The following NLGN1 variants were observed in gnomAD, a reference collection of about 807,000 sequenced individuals.
NLGN1 encodes neuroligin-1.
In NLGN1, 12 loss-of-function variants were observed where a neutral mutation model predicts 65.5. The observed-to-expected ratio is 0.18, with a 90% confidence interval of 0.12 to 0.30. The LOEUF (loss-of-function observed/expected upper bound fraction) is 0.30. Ranked by LOEUF, NLGN1 falls within the 10% of genes least tolerant of loss-of-function variation. NLGN1 has a pLI of 1.00. For synonymous variants in NLGN1, 350 were observed against 359.5 expected (o/e 0.97, Z 0.30); for missense variants, 750 against 1,007.1 (o/e 0.74, Z 3.46).
In NLGN1 at chr3:173,523,204, T is replaced by C. The variant is rs921291419; in HGVS notation, c.-320-81075T>C. ...AAAATATTTTCCCTCACTCTGCACA[T>C]TGTCTGTTCACTGTGTCGAATATTT... On this transcript the variant is annotated intron_variant, in intron 2 of 6. Coordinates refer to ENST00000457714, the Ensembl canonical transcript of NLGN1. 4.0e-5 allele frequency among the ~76,000 whole-genome samples: 6 copies of C among 151,740 alleles called. 1 individual carries two copies. The highest frequency in any genetic ancestry group is 1.3e-4 in the Admixed American group (2 of 15,214).
chr3:173,687,478 G>C (rs1764849103), intron 3 of NLGN1, among the ~76,000 whole-genome samples: 1 of 152,162 alleles, frequency 6.6e-6, no homozygotes. Context: ...GACTCAAATA[G>C]TAGGAGCAGC....
At chr3:173,815,698 A>G (rs1019324297) in intron 4 of NLGN1, among the ~76,000 whole-genome samples, 13 of 152,066 alleles carry the variant, frequency 8.5e-5, no homozygotes, top group African/African-American at 2.9e-4. Context: ...TTCTCTCTCT[A>G]TGATACGCCT....
chr3:173,685,533 C>A (rs1178929358), intron 3 of NLGN1: 3 of 429,178 alleles, frequency 7.0e-6, no homozygotes, highest in Non-Finnish European at 9.3e-6. Context: ...GTACCTCAGC[C>A]CCTGCATAGA....
intron 4 of NLGN1, among the ~76,000 whole-genome samples, chr3:174,240,471 A>C (rs1181797375): frequency 2.0e-5 from 3 of 152,172 alleles, no homozygotes; most frequent in African/African-American, 7.2e-5. Flanking sequence ...AAATATCTAC[A>C]TTTAGATAAA....
chr3:173,442,808 G>A (rs189637844), intron 2 of NLGN1, among the ~76,000 whole-genome samples: 29 of 152,238 alleles, frequency 1.9e-4, no homozygotes, highest in African/African-American at 5.8e-4. Context: ...GCTGTTAGTT[G>A]TAGTAATAAA....
intron 4 of NLGN1, among the ~76,000 whole-genome samples, chr3:174,228,411 C>T (rs1391817350): frequency 2.0e-5 from 3 of 152,060 alleles, no homozygotes; most frequent in Non-Finnish European, 4.4e-5. Context: ...TAACATAAAT[C>T]ATTTTTCTTC....
chr3:173,604,914 G>C (rs1184085021), exon 3 of NLGN1: 2 of 1,613,708 alleles, frequency 1.2e-6, no homozygotes, highest in South Asian at 1.1e-5. Flanking sequence ...TCCCTGGTCA[G>C]ATATCAGAAA....
At chr3:173,675,788 A>G (rs1560148325) in intron 3 of NLGN1, among the ~76,000 whole-genome samples, 1 of 151,822 alleles carries the variant, frequency 6.6e-6, no homozygotes, top group Non-Finnish European at 1.5e-5. Flanking sequence ...CGGTGGACAC[A>G]TGAGCCTGAC....
At chr3:174,281,341 G>T in exon 7 of NLGN1, 1 of 1,316,844 alleles carries the variant, frequency 7.6e-7, no homozygotes, top group South Asian at 1.3e-5. Context: ...TTGATGGATT[G>T]CAGTAAACGA....
chr3:174,293,895 A>G, the NLGN1 span, among the ~76,000 whole-genome samples: 5 of 151,798 alleles, frequency 3.3e-5, no homozygotes, highest in Non-Finnish European at 1.5e-5. Context: ...ACACAACAAA[A>G]TCAAAACTAT....
chr3:173,997,780 C>A (rs1380578344), intron 4 of NLGN1, among the ~76,000 whole-genome samples: 1 of 152,008 alleles, frequency 6.6e-6, no homozygotes, highest in Admixed American at 6.6e-5. Context: ...TAAAAAATAT[C>A]CTTATTTATT....
intron 2 of NLGN1, among the ~76,000 whole-genome samples, chr3:173,554,195 C>T (rs891648976): frequency 1.3e-5 from 2 of 152,118 alleles, no homozygotes; most frequent in Non-Finnish European, 2.9e-5. Flanking sequence ...AAAGTACTAG[C>T]AGTTTCCAAA....
At chr3:173,416,067 C>T (rs207464072) in intron 1 of NLGN1, among the ~76,000 whole-genome samples, 2 of 152,018 alleles carry the variant, frequency 1.3e-5, no homozygotes, top group East Asian at 1.9e-4. Flanking sequence ...GATTCATGAG[C>T]GTCACAGATA....
intron 2 of NLGN1, among the ~76,000 whole-genome samples, chr3:173,551,639 C>A (rs1275298086): frequency 6.6e-6 from 1 of 152,140 alleles, no homozygotes; most frequent in Non-Finnish European, 1.5e-5. Context: ...TAATTACTTG[C>A]TTCAAGAGAA....
intron 4 of NLGN1, among the ~76,000 whole-genome samples, chr3:173,972,805 T>C (rs1716561982): frequency 6.6e-6 from 1 of 152,170 alleles, no homozygotes; most frequent in African/African-American, 2.4e-5. Context: ...CCCAGGCTAG[T>C]AGCATCAACA....
intron 4 of NLGN1, among the ~76,000 whole-genome samples, chr3:173,850,599 C>G (rs1478580376): frequency 6.6e-6 from 1 of 152,132 alleles, no homozygotes; most frequent in African/African-American, 2.4e-5. Flanking sequence ...TGAATTACCT[C>G]TATCCTTTTC....
chr3:173,606,059 CT>C (rs1255499076), intron 3 of NLGN1, among the ~76,000 whole-genome samples: 1 of 151,932 alleles, frequency 6.6e-6, no homozygotes, highest in East Asian at 1.9e-4. Flanking sequence ...CTTTCTCATC[CT>C]AAGGATAAAT....
intron 4 of NLGN1, among the ~76,000 whole-genome samples, chr3:174,097,704 T>A (rs1026784274): frequency 6.6e-6 from 1 of 152,212 alleles, no homozygotes; most frequent in East Asian, 1.9e-4. Context: ...GAAAAATATC[T>A]GATCCAGTTT....
intron 2 of NLGN1, among the ~76,000 whole-genome samples, chr3:173,440,890 G>C (rs1014172335): frequency 6.6e-6 from 1 of 152,120 alleles, no homozygotes; most frequent in Non-Finnish European, 1.5e-5. Flanking sequence ...CTTCTCTCTA[G>C]CTATGAAAGT....
Sources: gnomAD v4.1 joint callset for allele counts (sites outside exome capture counted in the v4.1 genomes callset) on GRCh38, gnomAD v4.1.1 for gene constraint, MANE v1.5 for transcripts, NCBI Gene and HGNC (gene_info 2026-07-23, HGNC 2026-07-21) for gene names.